Variants in PPP2R2C observed in about 807,000 individuals in gnomAD.
PPP2R2C encodes protein phosphatase 2 regulatory subunit Bgamma, also known as protein phosphatase 2, regulatory subunit B, gamma.
PPP2R2C carries 10 observed loss-of-function variants against 45.3 expected under a neutral mutation model. That is an observed-to-expected ratio of 0.22 (90% CI 0.14 to 0.37). The LOEUF is 0.37. Among genes scored for constraint, PPP2R2C ranks in the 10% least tolerant of loss-of-function variants. PPP2R2C has a pLI of 1.00. For missense variants in PPP2R2C, 308 were observed against 619.7 expected, an observed-to-expected ratio of 0.50 and a Z score of 5.34; for synonymous variants, 257 against 245.4, an observed-to-expected ratio of 1.05 and a Z score of -0.44.
rs759150909 is a variant in PPP2R2C, at chr4:6,329,244, G to T, written c.1052+18C>A. 2.5e-6 allele frequency: 4 copies of T among 1,609,200 alleles called. No homozygotes were observed. In the East Asian group the frequency reaches 8.9e-5, roughly 36 times the overall value. On this transcript the variant is annotated intron_variant, in intron 8 of 8. Transcript: ENST00000382599. This position sits in a 1 kb window ranked among gnomAD's most constrained non-coding sequence, Gnocchi z 5.8. ...CTCCCTACGGTGAGGTGAGGTGCGG[G>T]CTGAGGTCAGGGCTTACCTGTCGCT...
intron 2 of PPP2R2C, among the ~76,000 whole-genome samples, chr4:6,481,868 A>G (rs1577214446): frequency 6.7e-6 from 1 of 149,146 alleles, no homozygotes; most frequent in South Asian, 2.2e-4. Flanking sequence ...AGTCCCAGCT[A>G]TTCCGGAGGC....
chr4:6,423,326 C>G (rs1719093890), intron 1 of PPP2R2C, among the ~76,000 whole-genome samples: 2 of 152,216 alleles, frequency 1.3e-5, no homozygotes, highest in African/African-American at 4.8e-5. Context: ...GCCTCAGCCT[C>G]CCAAGTAGCT....
intron 2 of PPP2R2C, among the ~76,000 whole-genome samples, chr4:6,500,377 A>G (rs1560587314): frequency 6.6e-6 from 1 of 152,200 alleles, no homozygotes; most frequent in Non-Finnish European, 1.5e-5. Context: ...CGAACTCCTG[A>G]CCTCAGATGA....
chr4:6,424,710 G>A (rs894206452), intron 1 of PPP2R2C, among the ~76,000 whole-genome samples: 3 of 152,204 alleles, frequency 2.0e-5, no homozygotes, highest in African/African-American at 7.2e-5. Context: ...GGGGCCGTGT[G>A]TGCAAGGGTT....
chr4:6,544,711 C>T (rs1724919523), intron 1 of PPP2R2C, among the ~76,000 whole-genome samples: 1 of 152,160 alleles, frequency 6.6e-6, no homozygotes, highest in Non-Finnish European at 1.5e-5. Flanking sequence ...AAGGAAGAAG[C>T]ATAAGCAAGA....
At chr4:6,454,829 G>A (rs776788822) in intron 1 of PPP2R2C, among the ~76,000 whole-genome samples, 6 of 152,186 alleles carry the variant, frequency 3.9e-5, no homozygotes, top group Non-Finnish European at 8.8e-5. Context: ...TCCCAGAGTG[G>A]ACATAAAGCC....
chr4:6,434,725 CTT>C (rs1719813953), intron 1 of PPP2R2C, among the ~76,000 whole-genome samples: 1 of 152,172 alleles, frequency 6.6e-6, no homozygotes, highest in South Asian at 2.1e-4. Flanking sequence ...TCTGAGAGTT[CTT>C]GTTTCCCTCA....
chr4:6,342,102 AC>A, intron 6 of PPP2R2C, among the ~76,000 whole-genome samples: 1 of 147,452 alleles, frequency 6.8e-6, no homozygotes, highest in African/African-American at 2.7e-5. Context: ...ACACACACAC[AC>A]ACACACACAC....
chr4:6,388,954 C>T (rs56153170), intron 1 of PPP2R2C, among the ~76,000 whole-genome samples: 34,538 of 151,974 alleles, frequency 0.23, 4,253 homozygotes, highest in Middle Eastern at 0.29. Context: ...AACTGGGCTA[C>T]CCCCAAGCCG....
At chr4:6,361,028 AC>A (rs1028541599) in intron 5 of PPP2R2C, among the ~76,000 whole-genome samples, 9 of 151,870 alleles carry the variant, frequency 5.9e-5, no homozygotes, top group East Asian at 1.9e-4. Flanking sequence ...TAACTTAATT[AC>A]CCCTTTAAGG....
At chr4:6,536,739 C>T (rs970866205) in intron 1 of PPP2R2C, among the ~76,000 whole-genome samples, 8 of 152,246 alleles carry the variant, frequency 5.3e-5, no homozygotes, top group African/African-American at 1.7e-4. Flanking sequence ...GTAAATCTCA[C>T]TCTTCTGTCA....
chr4:6,430,590 C>T (rs1265744873), intron 1 of PPP2R2C, among the ~76,000 whole-genome samples: 1 of 152,180 alleles, frequency 6.6e-6, no homozygotes, highest in Non-Finnish European at 1.5e-5. Flanking sequence ...TTAGCAGAAT[C>T]AGGCCAACTT....
chr4:6,455,644 C>G (rs1014078856), intron 1 of PPP2R2C, among the ~76,000 whole-genome samples: 3 of 152,174 alleles, frequency 2.0e-5, no homozygotes, highest in African/African-American at 7.2e-5. Context: ...TCCCTCTGAG[C>G]CCCCTACTCT....
intron 2 of PPP2R2C, among the ~76,000 whole-genome samples, chr4:6,492,010 G>A (rs1355581389): frequency 1.3e-5 from 2 of 152,160 alleles, no homozygotes; most frequent in Non-Finnish European, 2.9e-5. Context: ...GTAAACTACT[G>A]TCCTCCAGGG....
At chr4:6,473,213 C>G (rs1397661417), upstream of PPP2R2C, among the ~76,000 whole-genome samples, 7 of 152,098 alleles carry the variant, frequency 4.6e-5, no homozygotes, top group East Asian at 1.4e-3. Context: ...GCCCACCTCT[C>G]CTGACGAGTG....
At chr4:6,448,240 G>A (rs538096535) in intron 1 of PPP2R2C, among the ~76,000 whole-genome samples, 83 of 152,274 alleles carry the variant, frequency 5.5e-4, no homozygotes, top group Non-Finnish European at 1.1e-3. Context: ...TTTAAGAACT[G>A]TTTGATCCCT....
At position 6,355,407 on chromosome 4, in the gene PPP2R2C, G is replaced by T. The variant is rs530670927; in HGVS notation, c.626-7397C>A. On this transcript the variant is annotated intron_variant, in intron 5 of 8. Coordinates refer to ENST00000382599, the MANE Select transcript of PPP2R2C (RefSeq NM_020416.4). ...CGGGGAGGGATAGCATTGGGAGATA[G>T]ACCTAATGCTAGATGACGAGTTAGT... Among the ~76,000 whole-genome samples the T allele has an allele frequency of 2.0e-3, 302 of 152,232 alleles. 3 individuals are homozygous for T. The highest frequency in any genetic ancestry group is 7.1e-3 in the African/African-American group (294 of 41,538).
At chr4:6,413,504 C>T (rs1212948914) in intron 1 of PPP2R2C, among the ~76,000 whole-genome samples, 1 of 152,216 alleles carries the variant, frequency 6.6e-6, no homozygotes, top group African/African-American at 2.4e-5. Context: ...CAACACAACC[C>T]ATCTCAGCCG....
In PPP2R2C at chr4:6,335,161, T is replaced by C. The variant is rs572540125; in HGVS notation, c.791-1430A>G. On this transcript the variant is annotated intron_variant, in intron 6 of 8. Transcript: ENST00000382599. ...CCCTGGGATGATGCAGTGACCAGCA[T>C]AAAGCCACTGTTCCTGTGCAGCCAA... Among the ~76,000 whole-genome samples, 6 of 152,308 alleles carry C rather than the reference T, an allele frequency of 3.9e-5. No homozygotes were observed. The South Asian group carries it at 1.2e-3, about 32-fold the overall frequency.
Sources: allele counts gnomAD v4.1 joint callset (sites outside exome capture counted in the v4.1 genomes callset), GRCh38; gene constraint gnomAD v4.1.1; non-coding constraint Gnocchi (gnomAD v3.1); transcripts MANE v1.5; gene names NCBI Gene and HGNC (gene_info 2026-07-23, HGNC 2026-07-21).